FHOD3: variants seen among roughly 807,000 people sequenced by gnomAD.
The protein encoded by FHOD3 is FH1/FH2 domain-containing protein 3.
A neutral mutation model predicts 173.0 loss-of-function variants in FHOD3; 90 were observed. That is an observed-to-expected ratio of 0.52 (90% CI 0.44 to 0.62). FHOD3 has a LOEUF of 0.62. FHOD3 is among the 20% of genes least tolerant of loss of function. FHOD3 has a pLI of 0.00. For synonymous variants in FHOD3, 828 were observed against 823.0 expected, an observed-to-expected ratio of 1.01 and a Z score of -0.10; for missense variants, 1,945 against 2,034.7, an observed-to-expected ratio of 0.96 and a Z score of 0.85.
intron 1 of FHOD3, among the ~76,000 whole-genome samples, chr18:36,341,778 C>T (rs1010453481): frequency 6.6e-6 from 1 of 152,124 alleles, no homozygotes; most frequent in African/African-American, 2.4e-5. Flanking sequence ...GTTCCTATGG[C>T]TTGCAAGAAG....
chr18:36,677,428 CATG>C (rs2037936794), intron 14 of FHOD3, among the ~76,000 whole-genome samples: 1 of 152,178 alleles, frequency 6.6e-6, no homozygotes, highest in Non-Finnish European at 1.5e-5. Context: ...GGATTACAGA[CATG>C]AGCCACCATG....
At chr18:36,310,687 C>CA (rs571273504) in intron 1 of FHOD3, among the ~76,000 whole-genome samples, 10,928 of 72,230 alleles carry the variant, frequency 0.15, 1,230 homozygotes, top group African/African-American at 0.35. Flanking sequence ...GACTCCATCT[C>CA]AAAAAAAAAA....
At chr18:36,403,670 C>T (rs776878627) in intron 3 of FHOD3, among the ~76,000 whole-genome samples, 51 of 152,166 alleles carry the variant, frequency 3.4e-4, no homozygotes, top group Non-Finnish European at 5.4e-4. Context: ...CAAATAATTA[C>T]GGATTCCATT....
At chr18:36,510,716 A>G (rs2055584799) in intron 4 of FHOD3, among the ~76,000 whole-genome samples, 1 of 152,232 alleles carries the variant, frequency 6.6e-6, no homozygotes, top group African/African-American at 2.4e-5. Context: ...GGAGGGAGAG[A>G]GAATTATTTT....
chr18:36,754,403 G>A (rs2042537417), intron 24 of FHOD3, among the ~76,000 whole-genome samples: 1 of 152,002 alleles, frequency 6.6e-6, no homozygotes, highest in African/African-American at 2.4e-5. Flanking sequence ...ACTAAAATTT[G>A]GGTACTTATC....
At chr18:36,698,825 T>C (rs1349849200) in intron 17 of FHOD3, among the ~76,000 whole-genome samples, 4 of 152,200 alleles carry the variant, frequency 2.6e-5, no homozygotes. Context: ...TTTGTGCCAT[T>C]TCCCCAAGCC....
intron 5 of FHOD3, among the ~76,000 whole-genome samples, chr18:36,568,078 C>T (rs1344165086): frequency 6.7e-6 from 1 of 150,282 alleles, no homozygotes; most frequent in Non-Finnish European, 1.5e-5. Flanking sequence ...AATCCCAGCA[C>T]TTTGGGAGGC....
intron 5 of FHOD3, among the ~76,000 whole-genome samples, chr18:36,547,157 C>T (rs988703624): frequency 1.3e-5 from 2 of 152,020 alleles, no homozygotes; most frequent in Admixed American, 6.5e-5. Context: ...CTTGTGGGGA[C>T]GAAGGACATA....
intron 5 of FHOD3, among the ~76,000 whole-genome samples, chr18:36,524,281 C>CAAAA (rs34510109): frequency 4.5e-5 from 5 of 111,914 alleles, no homozygotes; most frequent in African/African-American, 7.3e-5. Flanking sequence ...GGCTCTACCT[C>CAAAA]AAAAAAAAAA....
chr18:36,428,041 A>G (rs548477891), intron 3 of FHOD3, among the ~76,000 whole-genome samples: 3 of 152,290 alleles, frequency 2.0e-5, no homozygotes, highest in African/African-American at 7.2e-5. Context: ...CTGACTTTCC[A>G]CATTCTAGGC....
chr18:36,353,409 C>T (rs2046221738), intron 1 of FHOD3, among the ~76,000 whole-genome samples: 1 of 152,192 alleles, frequency 6.6e-6, no homozygotes, highest in South Asian at 2.1e-4. Context: ...TGCTTCTAAA[C>T]AAGATGACAG....
At position 36,718,643 on chromosome 18, in the gene FHOD3, AC is replaced by A. The variant is rs1271054959; in HGVS notation, c.3348del (p.Ile1117LeufsTer49). Reference sequence around the variant, plus strand: ...GAGAATTCCTGTGGTCAAAACTGGAACCCATTAAGGTGGACACTTCCAGACT... The same window carrying A: ...GAGAATTCCTGTGGTCAAAACTGGAACCATTAAGGTGGACACTTCCAGACT... ...CREFLWSKLE[P>X]IKVDTSRLEH... On this transcript the variant is annotated frameshift_variant, in exon 19 of 29. Coordinates refer to ENST00000590592, the MANE Select transcript of FHOD3 (RefSeq NM_001281740.3). LOFTEE classifies it high-confidence loss of function. 1 of 1,614,180 alleles carries A rather than the reference AC, an allele frequency of 6.2e-7. No homozygotes were observed. Among genetic ancestry groups the A allele is most frequent in the Non-Finnish European group, 8.5e-7 (1 of 1,180,040 alleles).
At chr18:36,534,890 G>T (rs1436855058) in intron 5 of FHOD3, among the ~76,000 whole-genome samples, 1 of 152,176 alleles carries the variant, frequency 6.6e-6, no homozygotes, top group African/African-American at 2.4e-5. Context: ...TGCTTAGAAG[G>T]CCATTCAAAA....
Position 36,419,816 on chromosome 18 carries a change from G to A in FHOD3, c.337+47072G>A, listed in dbSNP as rs79103289. On this transcript the variant is annotated intron_variant, in intron 3 of 28. Transcript: ENST00000590592. ...AACACAGCTGAAGGGAAGGAAGTGCGCTCTCTTTTATCCTTCTTTCCATAT... is the reference window on the plus strand; with the variant it reads ...AACACAGCTGAAGGGAAGGAAGTGCACTCTCTTTTATCCTTCTTTCCATAT... Among the ~76,000 whole-genome samples, 243 of 152,278 alleles carry A rather than the reference G, an allele frequency of 1.6e-3. 5 individuals carry two copies. In the East Asian group the frequency reaches 0.038, roughly 24 times the overall value.
At chr18:36,584,786 TAA>T (rs1043931842) in intron 6 of FHOD3, among the ~76,000 whole-genome samples, 5 of 152,148 alleles carry the variant, frequency 3.3e-5, no homozygotes, top group Non-Finnish European at 7.4e-5. Context: ...CTAAAATAGC[TAA>T]AGTTTACTGG....
intron 5 of FHOD3, among the ~76,000 whole-genome samples, chr18:36,572,819 T>C (rs974105601): frequency 9.9e-5 from 15 of 152,176 alleles, no homozygotes; most frequent in African/African-American, 3.4e-4. Context: ...GTCTACCTTC[T>C]CTCTCCCTGT....
chr18:36,552,630 C>A (rs2057707684), intron 5 of FHOD3, among the ~76,000 whole-genome samples: 1 of 151,902 alleles, frequency 6.6e-6, no homozygotes, highest in Non-Finnish European at 1.5e-5. Flanking sequence ...TCCCAAGTAG[C>A]TGGGACTACA....
At chr18:36,610,648 A>G (rs2032577858) in intron 8 of FHOD3, among the ~76,000 whole-genome samples, 1 of 152,210 alleles carries the variant, frequency 6.6e-6, no homozygotes, top group Admixed American at 6.5e-5. Context: ...GGAAAACGCC[A>G]TTATTCGAGT....
chr18:36,451,543 G>T (rs2051844792), intron 3 of FHOD3, among the ~76,000 whole-genome samples: 1 of 152,174 alleles, frequency 6.6e-6, no homozygotes, highest in African/African-American at 2.4e-5. Flanking sequence ...CCTCTGCCTG[G>T]GTGTGGCCCT....
Sources: allele counts gnomAD v4.1 joint callset (sites outside exome capture counted in the v4.1 genomes callset), GRCh38; gene constraint gnomAD v4.1.1; transcripts MANE v1.5; gene names NCBI Gene and HGNC (gene_info 2026-07-23, HGNC 2026-07-21).